The following TMEM230 variants were observed in gnomAD, a reference collection of about 807,000 sequenced individuals.
The protein encoded by TMEM230 is transmembrane protein 230.
TMEM230 carries 10 observed loss-of-function variants against 15.8 expected under a neutral mutation model. The ratio of observed to expected loss-of-function variants is 0.63; its 90% CI spans 0.39 to 1.07. The LOEUF is 1.07. TMEM230 is among the 50% of genes least tolerant of loss of function. TMEM230 has a pLI of 0.01. For synonymous variants in TMEM230, 67 were observed against 76.9 expected (o/e 0.87, Z 0.68); for missense variants, 165 against 193.3 (o/e 0.85, Z 0.87).
At position 5,072,848 on chromosome 20, in the gene TMEM230, C is replaced by CAA. The variant is rs3056051; in HGVS notation, c.223-3501_223-3500dup. On this transcript the variant is annotated intron_variant, in intron 3 of 3. Transcript: ENST00000612323. ...TGGAAGACAGAGCGAGACTCCACCT[C>CAA]AAAAAAAAAAAAAAAAAAAAAAAAA... Among the ~76,000 whole-genome samples, 42 of 51,440 alleles carry CAA rather than the reference C, an allele frequency of 8.2e-4. 1 individual carries two copies. The highest frequency in any genetic ancestry group is 1.7e-3 in the African/African-American group (20 of 11,820). The allele number at this position is 51,440 out of a possible 152,430, so 33.7% of individuals were successfully genotyped here.
At chr20:5,067,409 T>TTATA (rs1198250490), downstream of TMEM230, 4 of 73,808 alleles carry the variant, frequency 5.4e-5, no homozygotes, top group Admixed American at 1.9e-4. Context: ...GTGTTTAGGC[T>TTATA]CATATATATA....
downstream of TMEM230, among the ~76,000 whole-genome samples, chr20:5,096,147 T>G (rs1420551206): frequency 6.6e-6 from 1 of 152,222 alleles, no homozygotes; most frequent in Non-Finnish European, 1.5e-5. Context: ...GGTTCTGCCA[T>G]GGAACAGCAG....
downstream of TMEM230, among the ~76,000 whole-genome samples, chr20:5,066,897 T>C (rs981163919): frequency 2.0e-5 from 3 of 152,010 alleles, no homozygotes; most frequent in African/African-American, 7.2e-5. Flanking sequence ...CAGCTGCCAA[T>C]CCACATACAT....
chr20:5,109,582 C>G, intron 2 of TMEM230, 137 bp from the exon 2 acceptor site: 1 of 669,420 alleles, frequency 1.5e-6, no homozygotes, highest in Non-Finnish European at 2.6e-6. Context: ...GCAATTTACA[C>G]TTCACTGCTA....
intron 4 of TMEM230, among the ~76,000 whole-genome samples, chr20:5,104,202 A>G (rs2089981927): frequency 6.6e-6 from 1 of 152,226 alleles, no homozygotes; most frequent in African/African-American, 2.4e-5. Flanking sequence ...CTACAATGAG[A>G]TATCATCTCA....
chr20:5,100,721 A>C lies in TMEM230; in HGVS notation c.*70T>G. The C allele has an allele frequency of 6.3e-7, 1 of 1,582,294 alleles. No individual in the cohort carries two copies. The highest frequency in any genetic ancestry group is 1.1e-5 in the South Asian group (1 of 87,914). ...CTGCAGAATTCCTTAGTCCTCAGCTATAGTTTCTGCTAGATATCTTAAAGC... is the reference window on the plus strand; with the variant it reads ...CTGCAGAATTCCTTAGTCCTCAGCTCTAGTTTCTGCTAGATATCTTAAAGC... On this transcript the variant is annotated 3_prime_UTR_variant, in exon 5 of 5. Transcript: ENST00000342308.
At chr20:5,091,968 T>C (rs1310229984) in intron 3 of TMEM230, among the ~76,000 whole-genome samples, 1 of 152,330 alleles carries the variant, frequency 6.6e-6, no homozygotes, top group East Asian at 1.9e-4. Context: ...TTTGTTTTAA[T>C]GAAGAGATAC....
At chr20:5,069,877 T>C (rs901951681) in intron 3 of TMEM230, among the ~76,000 whole-genome samples, 14 of 152,102 alleles carry the variant, frequency 9.2e-5, no homozygotes, top group African/African-American at 2.9e-4. Flanking sequence ...ATCTGGCTAA[T>C]GTTTGTATTT....
downstream of TMEM230, among the ~76,000 whole-genome samples, chr20:5,063,651 C>T (rs1043563522): frequency 6.6e-6 from 1 of 151,936 alleles, no homozygotes; most frequent in African/African-American, 2.4e-5. Flanking sequence ...TGAGGGGGAT[C>T]GGAGAACAGA....
intron 4 of TMEM230, among the ~76,000 whole-genome samples, chr20:5,102,688 C>CAAAAAA (rs58106156): frequency 9.6e-5 from 8 of 83,018 alleles, no homozygotes; most frequent in African/African-American, 1.5e-4. Flanking sequence ...GACCCTGTCT[C>CAAAAAA]AAAAAAAAAA....
At chr20:5,085,279 TTTTG>T (rs760061884) in intron 3 of TMEM230, among the ~76,000 whole-genome samples, 128 of 152,190 alleles carry the variant, frequency 8.4e-4, no homozygotes, top group Non-Finnish European at 1.4e-3. Context: ...CTGAATCTTT[TTTTG>T]TTTTTCTTTT....
At chr20:5,059,865 C>T in the TMEM230 span, among the ~76,000 whole-genome samples, 17 of 150,048 alleles carry the variant, frequency 1.1e-4, no homozygotes, top group African/African-American at 3.9e-4. Flanking sequence ...CTGCAACCTC[C>T]GCCTCCTAGT....
intron 4 of TMEM230, among the ~76,000 whole-genome samples, chr20:5,103,901 C>T (rs1412158677): frequency 6.6e-6 from 1 of 152,000 alleles, no homozygotes; most frequent in Admixed American, 6.6e-5. Context: ...TGAGTAATGC[C>T]CCCAAAAGCA....
intron 3 of TMEM230, among the ~76,000 whole-genome samples, chr20:5,082,109 A>T (rs1021371709): frequency 6.6e-6 from 1 of 151,424 alleles, no homozygotes; most frequent in African/African-American, 2.4e-5. Flanking sequence ...CTGGTCTCAA[A>T]TAGCTGACCT....
the TMEM230 span, among the ~76,000 whole-genome samples, chr20:5,061,778 C>CA: frequency 5.4e-4 from 81 of 151,248 alleles, no homozygotes; most frequent in African/African-American, 1.8e-3. Flanking sequence ...AAAGTTCAAC[C>CA]AAAAAAAAGA....
intron 3 of TMEM230, among the ~76,000 whole-genome samples, chr20:5,077,809 G>A (rs934831450): frequency 6.6e-6 from 1 of 151,676 alleles, no homozygotes; most frequent in Admixed American, 6.6e-5. Context: ...ACTCCAACCT[G>A]GGCAAGAGAG....
chr20:5,060,135 C>A, the TMEM230 span, among the ~76,000 whole-genome samples: 4 of 152,084 alleles, frequency 2.6e-5, no homozygotes, highest in Admixed American at 1.3e-4. Flanking sequence ...TAGTCTTGAA[C>A]TTCTGGCCTC....
Position 5,106,212 on chromosome 20 carries a change from C to A in TMEM230, c.387G>T (p.Leu129=). The change falls in exon 4 of 5, where the codon CTG becomes CTT. Residue 129 remains leucine, a synonymous_variant. Transcript: ENST00000342308. Reference sequence around the variant, plus strand: ...CCCCTTTGCTGATGTAGCCTGACAGCAGGAGGGAGCCTATAATAATGAGAA... The same window carrying A: ...CCCCTTTGCTGATGTAGCCTGACAGAAGGAGGGAGCCTATAATAATGAGAA... The A allele has an allele frequency of 1.9e-6, 3 of 1,613,556 alleles. No individual in the cohort carries two copies. The highest frequency in any genetic ancestry group is 2.5e-6 in the Non-Finnish European group (3 of 1,179,780).
At chr20:5,088,619 C>T (rs565610697) in intron 3 of TMEM230, among the ~76,000 whole-genome samples, 3 of 152,208 alleles carry the variant, frequency 2.0e-5, no homozygotes, top group South Asian at 4.1e-4. Context: ...CTCAAGGATC[C>T]TCCCATCTTA....
Sources: gnomAD v4.1 joint callset for allele counts (sites outside exome capture counted in the v4.1 genomes callset) on GRCh38, gnomAD v4.1.1 for gene constraint, MANE v1.5 for transcripts, NCBI Gene and HGNC (gene_info 2026-07-23, HGNC 2026-07-21) for gene names.